Variants in NKD2 observed in about 807,000 individuals in gnomAD.
NKD2 encodes the protein protein naked cuticle homolog 2.
NKD2 carries 43 observed loss-of-function variants against 34.8 expected under a neutral mutation model. The observed-to-expected ratio is 1.24, with a 90% CI of 0.97 to 1.60. NKD2 has a LOEUF of 1.60. Among genes scored for constraint, NKD2 ranks in the 40% most tolerant of loss-of-function variants. The pLI, the probability that NKD2 is intolerant of heterozygous loss-of-function variation, is 0.00. For missense variants in NKD2, 675 were observed against 627.1 expected, an observed-to-expected ratio of 1.08 and a Z score of -0.82; for synonymous variants, 278 against 265.1, an observed-to-expected ratio of 1.05 and a Z score of -0.47.
chr5:1,036,238 T>G lies in NKD2; in HGVS notation c.660-19T>G. On this transcript the variant is annotated intron_variant, in intron 8 of 9. Transcript: ENST00000296849. ...CCCAGTCTGTGCGGGGGTCAGGCCC[T>G]TCTCTGTGCTCCAAGCAGGAGGCCC... 6.3e-7 allele frequency: 1 copy of G among 1,576,422 alleles called. No homozygotes were observed. The highest frequency in any genetic ancestry group is 8.6e-7 in the Non-Finnish European group (1 of 1,160,264).
At chr5:1,027,283 A>G (rs1472149576) in intron 3 of NKD2, among the ~76,000 whole-genome samples, 1 of 152,212 alleles carries the variant, frequency 6.6e-6, no homozygotes, top group Non-Finnish European at 1.5e-5. Flanking sequence ...CTATGGATCT[A>G]GGGGTGCCAG....
At position 1,038,498 on chromosome 5, in the gene NKD2, A is replaced by T; in HGVS notation, c.*125A>T. On this transcript the variant is annotated 3_prime_UTR_variant, in exon 10 of 10. Transcript: ENST00000296849. The surrounding 1 kb of genome is among the most constrained non-coding windows in gnomAD (Gnocchi z 4.5). Reference sequence around the variant, plus strand: ...CCCCCACCCCCCACCTCCGACAGCAAACAGCAACTGACTGCAGGTGCTGGC... The same window carrying T: ...CCCCCACCCCCCACCTCCGACAGCATACAGCAACTGACTGCAGGTGCTGGC... 6.6e-7 allele frequency: 1 copy of T among 1,518,418 alleles called. No homozygotes were observed. The highest frequency in any genetic ancestry group is 1.2e-5 in the South Asian group (1 of 83,510). The allele number at this position is 1,518,418 out of a possible 1,614,324, so 94.1% of individuals were successfully genotyped here.
At position 1,009,536 on chromosome 5, in the gene NKD2, G is replaced by C; in HGVS notation, c.117G>C (p.Ala39=). The part of the protein sequence containing the change: ...YASGRKGAEE[A]ERRARDKQEL... ...GCGGCCGCAAAGGCGCGGAGGAAGCGGAGCGGCGCGCGCGGGACAAGCAGG... is the reference window on the plus strand; with the variant it reads ...GCGGCCGCAAAGGCGCGGAGGAAGCCGAGCGGCGCGCGCGGGACAAGCAGG... Residue 39 remains alanine (A), a synonymous_variant, in exon 3 of 10, where the codon GCG becomes GCC. Coordinates refer to ENST00000296849, the MANE Select transcript of NKD2 (RefSeq NM_033120.4). The surrounding 1 kb of genome is among the most constrained non-coding windows in gnomAD (Gnocchi z 6.9). 6.7e-7 allele frequency: 1 copy of C among 1,492,718 alleles called. No homozygotes were observed. Among genetic ancestry groups the C allele is most frequent in the Non-Finnish European group, 8.8e-7 (1 of 1,130,204 alleles). The allele number at this position is 1,492,718 out of a possible 1,614,324, so 92.5% of individuals were successfully genotyped here. A position where few individuals can be genotyped will look rare whatever the true frequency, so the allele number is the denominator to read the frequency against.
chr5:1,032,744 C>T (rs1200177471), intron 4 of NKD2, among the ~76,000 whole-genome samples: 1 of 152,254 alleles, frequency 6.6e-6, no homozygotes, highest in Non-Finnish European at 1.5e-5. Flanking sequence ...CCCACACCCC[C>T]TCAGTGGGAA....
At chr5:1,020,288 GTGTA>G (rs1397528217) in intron 3 of NKD2, among the ~76,000 whole-genome samples, 3 of 152,132 alleles carry the variant, frequency 2.0e-5, no homozygotes, top group African/African-American at 7.2e-5. Flanking sequence ...GTATATGTAG[GTGTA>G]TGTATGATGT....
intron 3 of NKD2, among the ~76,000 whole-genome samples, chr5:1,029,135 T>C (rs1223833694): frequency 6.6e-6 from 1 of 152,108 alleles, no homozygotes; most frequent in African/African-American, 2.4e-5. Flanking sequence ...GAGATTGGAG[T>C]GGCTTTGACT....
In NKD2 at chr5:1,009,844, T is replaced by C. The variant is rs189823754; in HGVS notation, c.141+284T>C. Among the ~76,000 whole-genome samples, 6 of 151,810 alleles carry C rather than the reference T, an allele frequency of 4.0e-5. No individual in the cohort carries two copies. Among genetic ancestry groups the C allele is most frequent in the Admixed American group, 3.3e-4 (5 of 15,276 alleles). On this transcript the variant is annotated intron_variant, in intron 3 of 9. Transcript: ENST00000296849. The surrounding 1 kb of genome is among the most constrained non-coding windows in gnomAD (Gnocchi z 6.9). Reference sequence around the variant, plus strand: ...CGTGTGGGGGCTCCATGTTTCGGGCTGGAGGAGCTGGGCGAGTGGGAGGGG... The same window carrying C: ...CGTGTGGGGGCTCCATGTTTCGGGCCGGAGGAGCTGGGCGAGTGGGAGGGG...
chr5:1,009,581 TG>T lies in NKD2; in HGVS notation c.141+25del. 6.9e-7 allele frequency: 1 copy of T among 1,440,912 alleles called. No individual in the cohort carries two copies. Among genetic ancestry groups the T allele is most frequent in the East Asian group, 2.9e-5 (1 of 34,230 alleles). The allele number at this position is 1,440,912 out of a possible 1,614,324, so 89.3% of individuals were successfully genotyped here. ...AGCAGGTAGGCGGCGGGGCGGAGGC[TG>T]GGGTCGCGCTGCGCACCCGCCCGGG... On this transcript the variant is annotated intron_variant, in intron 3 of 9. Transcript: ENST00000296849. The surrounding 1 kb of genome is among the most constrained non-coding windows in gnomAD (Gnocchi z 6.9).
Position 1,021,080 on chromosome 5 carries a change from G to A in NKD2, c.142-11072G>A, listed in dbSNP as rs538376139. Reference sequence around the variant, plus strand: ...TTTCTATTTTCTGGTCTTATAGGAAGTTAAGTCGCAGCAGAACTCTGGCTT... The same window carrying A: ...TTTCTATTTTCTGGTCTTATAGGAAATTAAGTCGCAGCAGAACTCTGGCTT... On this transcript the variant is annotated intron_variant, in intron 3 of 9. Coordinates refer to ENST00000296849, the MANE Select transcript of NKD2 (RefSeq NM_033120.4). 9.8e-5 allele frequency among the ~76,000 whole-genome samples: 15 copies of A among 152,326 alleles called. No homozygotes were observed. The South Asian group carries it at 3.1e-3, about 32-fold the overall frequency.
In NKD2 at chr5:1,034,894, G is replaced by C. The variant is rs751895401; in HGVS notation, c.565G>C (p.Ala189Pro). 6.2e-7 allele frequency: 1 copy of C among 1,609,308 alleles called. No homozygotes were observed. The highest frequency in any genetic ancestry group is 1.1e-5 in the South Asian group (1 of 90,422). Residue 189 changes from alanine to proline, a missense_variant, in exon 7 of 10, where the codon GCT becomes CCT. By Grantham distance (27) the Ala-to-Pro change is conservative (BLOSUM62 -1). Transcript: ENST00000296849. ...PSSKRKEGPP[A>P]GQDREPTRCR... ...CAGCAAGAGGAAGGAGGGTCCTCCTGCTGGCCAGGGTGAGTGAGGCCTGGG... is the reference window on the plus strand; with the variant it reads ...CAGCAAGAGGAAGGAGGGTCCTCCTCCTGGCCAGGGTGAGTGAGGCCTGGG...
intron 8 of NKD2, chr5:1,035,864 GGTGGCTGGGGTA>G (rs1733884374): frequency 2.6e-6 from 1 of 386,950 alleles, no homozygotes. Context: ...AATGGCTAAG[GGTGGCTGGGGTA>G]GTGGCTGGGG....
At position 1,009,661 on chromosome 5, in the gene NKD2, C is replaced by A. The variant is rs1225456868; in HGVS notation, c.141+101C>A. The A allele has an allele frequency of 2.0e-6, 2 of 1,016,778 alleles. No individual in the cohort carries two copies. Among genetic ancestry groups the A allele is most frequent in the Non-Finnish European group, 2.6e-6 (2 of 755,246 alleles). The allele number at this position is 1,016,778 out of a possible 1,614,324, so 63.0% of individuals were successfully genotyped here. On this transcript the variant is annotated intron_variant, in intron 3 of 9. Transcript: ENST00000296849. This position sits in a 1 kb window ranked among gnomAD's most constrained non-coding sequence, Gnocchi z 6.9. ...GGTGCCCGCCCGCGGACAGGCGAGACGTGGGCCGCCATGGCCGCACGAGTG... is the reference window on the plus strand; with the variant it reads ...GGTGCCCGCCCGCGGACAGGCGAGAAGTGGGCCGCCATGGCCGCACGAGTG...
At chr5:1,019,963 G>T (rs943120582) in intron 3 of NKD2, among the ~76,000 whole-genome samples, 3 of 152,186 alleles carry the variant, frequency 2.0e-5, no homozygotes, top group Non-Finnish European at 2.9e-5. Flanking sequence ...GCGGTTGAGG[G>T]TGCAGCAGTT....
At chr5:1,033,891 C>T (rs899373660) in intron 5 of NKD2, among the ~76,000 whole-genome samples, 39 of 152,210 alleles carry the variant, frequency 2.6e-4, no homozygotes, top group Middle Eastern at 3.2e-3. Context: ...CTGGGGTCTC[C>T]GTGTCCAGTC....
At chr5:1,018,776 C>T (rs1161738757) in intron 3 of NKD2, among the ~76,000 whole-genome samples, 8 of 152,118 alleles carry the variant, frequency 5.3e-5, no homozygotes, top group African/African-American at 1.9e-4. Flanking sequence ...ATGAGGGGAG[C>T]CCTGCCCATG....
intron 4 of NKD2, among the ~76,000 whole-genome samples, chr5:1,032,603 C>T (rs1756688118): frequency 1.3e-5 from 2 of 152,238 alleles, no homozygotes; most frequent in African/African-American, 4.8e-5. Flanking sequence ...CGCGTGTATG[C>T]CTCAGTGGCA....
Position 1,036,021 on chromosome 5 carries a change from G to A in NKD2, c.660-236G>A, listed in dbSNP as rs1030927422. ...ATGAGCCACTCCCTAGAGCACCTGCGGCTCTGGTGCCTGGGAGGGAGTTCA... is the reference window on the plus strand; with the variant it reads ...ATGAGCCACTCCCTAGAGCACCTGCAGCTCTGGTGCCTGGGAGGGAGTTCA... On this transcript the variant is annotated intron_variant, in intron 8 of 9. Transcript: ENST00000296849. The A allele has an allele frequency of 5.3e-5, 50 of 939,162 alleles. No homozygotes were observed. In the African/African-American group the frequency reaches 6.9e-4, roughly 13 times the overall value. The allele number at this position is 939,162 out of a possible 1,614,324, so 58.2% of individuals were successfully genotyped here. A position where few individuals can be genotyped will look rare whatever the true frequency, so the allele number is the denominator to read the frequency against.
At chr5:1,031,760 G>T (rs888655551) in intron 3 of NKD2, among the ~76,000 whole-genome samples, 1 of 152,154 alleles carries the variant, frequency 6.6e-6, no homozygotes, top group African/African-American at 2.4e-5. Context: ...TGGAGTCCTC[G>T]TGTCAGGCTC....
At chr5:1,037,519 G>A (rs1347000416) in intron 9 of NKD2, 1 of 1,535,466 alleles carries the variant, frequency 6.5e-7, no homozygotes, top group Admixed American at 2.0e-5. Context: ...GCCCCAAGCA[G>A]GGTCTCAGCT....
Sources: allele counts gnomAD v4.1 joint callset (sites outside exome capture counted in the v4.1 genomes callset), GRCh38; gene constraint gnomAD v4.1.1; non-coding constraint Gnocchi (gnomAD v3.1); transcripts MANE v1.5; gene names NCBI Gene and HGNC (gene_info 2026-07-23, HGNC 2026-07-21).